The following CHCHD6 variants were observed in gnomAD, a reference collection of about 807,000 sequenced individuals.
The protein encoded by CHCHD6 is MICOS complex subunit MIC25.
A neutral mutation model predicts 32.3 loss-of-function variants in CHCHD6; 28 were observed. The ratio of observed to expected loss-of-function variants is 0.87; its 90% CI spans 0.64 to 1.19. The LOEUF (loss-of-function observed/expected upper bound fraction) is 1.19. CHCHD6 is among the 50% of genes most tolerant of loss of function. The probability of loss-of-function intolerance (pLI) is 0.00; values close to 1 mark genes in which losing one functional copy is unlikely to be tolerated. For synonymous variants in CHCHD6, 122 were observed against 117.5 expected (o/e 1.04, Z -0.25); for missense variants, 333 against 307.0 (o/e 1.08, Z -0.63).
chr3:126,896,679 G>A (rs540281600), intron 5 of CHCHD6, among the ~76,000 whole-genome samples: 3 of 152,206 alleles, frequency 2.0e-5, no homozygotes, highest in Non-Finnish European at 4.4e-5. Flanking sequence ...CTGCTGCCCT[G>A]TGATCAGATC....
At chr3:126,768,488 T>G (rs1937467975) in intron 4 of CHCHD6, among the ~76,000 whole-genome samples, 1 of 152,214 alleles carries the variant, frequency 6.6e-6, no homozygotes, top group Non-Finnish European at 1.5e-5. Flanking sequence ...CTACCCAGTC[T>G]CAGGTATTTC....
At chr3:126,890,476 A>T (rs2077741697) in intron 5 of CHCHD6, among the ~76,000 whole-genome samples, 1 of 152,126 alleles carries the variant, frequency 6.6e-6, no homozygotes, top group Non-Finnish European at 1.5e-5. Context: ...CCACTGATGG[A>T]ACTGTGCCTG....
intron 5 of CHCHD6, among the ~76,000 whole-genome samples, chr3:126,890,165 G>C (rs1044647696): frequency 6.6e-6 from 1 of 152,240 alleles, no homozygotes. Context: ...TTTCCTGTGC[G>C]GCTGAGAGGA....
chr3:126,873,390 C>T (rs1000532669), intron 5 of CHCHD6, among the ~76,000 whole-genome samples: 1 of 152,182 alleles, frequency 6.6e-6, no homozygotes. Flanking sequence ...ATTCAGTGCA[C>T]GCCTCACCAA....
At chr3:126,725,110 C>T (rs186138010) in intron 1 of CHCHD6, among the ~76,000 whole-genome samples, 117 of 152,304 alleles carry the variant, frequency 7.7e-4, no homozygotes, top group South Asian at 3.9e-3. Flanking sequence ...TGAGTCCTTT[C>T]CTTGGAGTTC....
At chr3:126,911,807 C>T (rs1374773825) in intron 5 of CHCHD6, among the ~76,000 whole-genome samples, 1 of 152,194 alleles carries the variant, frequency 6.6e-6, no homozygotes. Flanking sequence ...CACAGCAGGC[C>T]GGGCCCATCT....
rs117678630 is a variant in CHCHD6, at chr3:126,915,484, T to C, written c.566+734T>C. Among the ~76,000 whole-genome samples the C allele has an allele frequency of 3.9e-5, 6 of 152,348 alleles. No homozygotes were observed. In the East Asian group the frequency reaches 7.7e-4, roughly 20 times the overall value. Reference sequence around the variant, plus strand: ...GGTCTTATGGGTTCTCTGTGTGAAGTTGGTCTCTATGGACCTGAGAGACCT... The same window carrying C: ...GGTCTTATGGGTTCTCTGTGTGAAGCTGGTCTCTATGGACCTGAGAGACCT... On this transcript the variant is annotated intron_variant, in intron 6 of 7. Transcript: ENST00000290913.
intron 5 of CHCHD6, among the ~76,000 whole-genome samples, chr3:126,874,043 C>T (rs2077510449): frequency 6.6e-6 from 1 of 152,210 alleles, no homozygotes; most frequent in Non-Finnish European, 1.5e-5. Flanking sequence ...GAACCCAGCT[C>T]ACTGCTGTAA....
At chr3:126,773,654 G>A (rs1015064134) in intron 4 of CHCHD6, among the ~76,000 whole-genome samples, 4 of 140,796 alleles carry the variant, frequency 2.8e-5, no homozygotes, top group African/African-American at 5.4e-5. Flanking sequence ...TCGCCTAGGC[G>A]AAGTGCAGTG....
chr3:126,956,661 C>T (rs1458348989), intron 6 of CHCHD6, among the ~76,000 whole-genome samples: 1 of 151,986 alleles, frequency 6.6e-6, no homozygotes, highest in Non-Finnish European at 1.5e-5. Context: ...TCCAAAATTA[C>T]GCTCAGGAGG....
chr3:126,932,553 G>T (rs1384597389), intron 6 of CHCHD6, among the ~76,000 whole-genome samples: 1 of 152,190 alleles, frequency 6.6e-6, no homozygotes, highest in East Asian at 1.9e-4. Flanking sequence ...CAGAGTTAGG[G>T]CCCAGAGAAC....
chr3:126,740,615 A>G (rs994114876), intron 4 of CHCHD6, among the ~76,000 whole-genome samples: 19 of 152,154 alleles, frequency 1.2e-4, no homozygotes, highest in Non-Finnish European at 2.8e-4. Flanking sequence ...GCAGGGGTCC[A>G]CACACTGGGT....
intron 4 of CHCHD6, among the ~76,000 whole-genome samples, chr3:126,742,916 G>A (rs530178144): frequency 1.3e-5 from 2 of 152,250 alleles, no homozygotes; most frequent in Admixed American, 6.5e-5. Context: ...TCCCTCAACT[G>A]TTTCATACAT....
chr3:126,820,691 A>G (rs540228403), intron 4 of CHCHD6, among the ~76,000 whole-genome samples: 5 of 152,196 alleles, frequency 3.3e-5, no homozygotes, highest in Non-Finnish European at 7.3e-5. Context: ...TCAGAAGTAC[A>G]ATTGCTGGGT....
chr3:126,881,100 A>G (rs2077602746), intron 5 of CHCHD6, among the ~76,000 whole-genome samples: 1 of 152,278 alleles, frequency 6.6e-6, no homozygotes, highest in African/African-American at 2.4e-5. Context: ...TGGCCAGGAA[A>G]GCTTCCTCAA....
At chr3:126,782,401 C>T (rs902236146) in intron 4 of CHCHD6, among the ~76,000 whole-genome samples, 2 of 152,190 alleles carry the variant, frequency 1.3e-5, no homozygotes, top group Non-Finnish European at 2.9e-5. Context: ...ATTTCATTGA[C>T]GGTTGAGTAA....
At chr3:126,851,735 C>G (rs527747693) in intron 4 of CHCHD6, among the ~76,000 whole-genome samples, 19 of 152,362 alleles carry the variant, frequency 1.2e-4, no homozygotes, top group African/African-American at 4.1e-4. Flanking sequence ...ACTTACATCC[C>G]TGCCTTGCCG....
chr3:126,847,033 A>G (rs1043264499), intron 4 of CHCHD6, among the ~76,000 whole-genome samples: 86 of 152,058 alleles, frequency 5.7e-4, no homozygotes, highest in Admixed American at 5.6e-3. Context: ...CTTTTATCCA[A>G]ATTGATAATC....
intron 4 of CHCHD6, among the ~76,000 whole-genome samples, chr3:126,753,796 T>C (rs1214929126): frequency 6.6e-6 from 1 of 152,148 alleles, no homozygotes; most frequent in Non-Finnish European, 1.5e-5. Context: ...TGGGTGGCAG[T>C]GGGCACCAAG....
Sources: allele counts gnomAD v4.1 joint callset (sites outside exome capture counted in the v4.1 genomes callset), GRCh38; gene constraint gnomAD v4.1.1; transcripts MANE v1.5; gene names NCBI Gene and HGNC (gene_info 2026-07-23, HGNC 2026-07-21).